PTPRS: variants seen among roughly 807,000 people sequenced by gnomAD.
The protein encoded by PTPRS is receptor-type tyrosine-protein phosphatase S.
Under a neutral mutation model 215.3 loss-of-function variants are expected in PTPRS, and 63 were observed. The observed-to-expected ratio is 0.29, with a 90% CI of 0.24 to 0.36. PTPRS has a LOEUF of 0.36. Ranked by LOEUF, PTPRS falls within the 10% of genes least tolerant of loss-of-function variation. PTPRS has a pLI of 1.00. For missense variants in PTPRS, 2,258 were observed against 2,825.8 expected (o/e 0.80, Z 4.56); for synonymous variants, 1,404 against 1,191.4 (o/e 1.18, Z -3.68).
rs192467098 is a variant in PTPRS, at chr19:5,257,546, G to T, written c.706+471C>A. The T allele has an allele frequency of 2.9e-5, 13 of 442,504 alleles. No individual in the cohort carries two copies. The highest frequency in any genetic ancestry group is 1.0e-3 in the Middle Eastern group (2 of 1,976). 27.4% of individuals were successfully genotyped at this position (442,504 alleles called of 1,614,324 possible). ...TTCTAGATTGAGGGCCCTGGATTAGGGGGGGCAGTGAAGCGGGGAGCTACG... is the reference window on the plus strand; with the variant it reads ...TTCTAGATTGAGGGCCCTGGATTAGTGGGGGCAGTGAAGCGGGGAGCTACG... On this transcript the variant is annotated intron_variant, in intron 8 of 37. Coordinates refer to ENST00000262963, the MANE Select transcript of PTPRS (RefSeq NM_002850.4). The surrounding 1 kb of genome is among the most constrained non-coding windows in gnomAD (Gnocchi z 4.4).
At chr19:5,326,913 G>A (rs1333120002) in intron 1 of PTPRS, among the ~76,000 whole-genome samples, 2 of 152,132 alleles carry the variant, frequency 1.3e-5, no homozygotes, top group Non-Finnish European at 1.5e-5. Flanking sequence ...CGATGGGGCA[G>A]CAAAACACCA....
chr19:5,271,601 T>C (rs1018329755), intron 4 of PTPRS, among the ~76,000 whole-genome samples: 2 of 152,076 alleles, frequency 1.3e-5, no homozygotes, highest in Non-Finnish European at 2.9e-5. Context: ...GGTTTCACCA[T>C]GTTGGCCAGG....
At position 5,239,601 on chromosome 19, in the gene PTPRS, CAG is replaced by C. The variant is rs1050216836; in HGVS notation, c.1705-540_1705-539del. Among the ~76,000 whole-genome samples the C allele has an allele frequency of 9.5e-4, 138 of 144,760 alleles. 1 individual carries two copies. Among genetic ancestry groups the C allele is most frequent in the Middle Eastern group, 4.1e-3 (1 of 242 alleles). 95.0% of individuals were successfully genotyped at this position (144,760 alleles called of 152,430 possible). ...AGAAATAGAGACAGAGACAGAAACA[CAG>C]AGAAACAGGGGAGAGAGACAGACAG... On this transcript the variant is annotated intron_variant, in intron 12 of 37. Coordinates refer to ENST00000262963, the MANE Select transcript of PTPRS (RefSeq NM_002850.4).
chr19:5,238,903 C>A lies in PTPRS; in HGVS notation c.1849+16G>T, dbSNP rs983286127. The A allele has an allele frequency of 6.4e-7, 1 of 1,573,496 alleles. No homozygotes were observed. Among genetic ancestry groups the A allele is most frequent in the Non-Finnish European group, 8.6e-7 (1 of 1,164,286 alleles). On this transcript the variant is annotated intron_variant, in intron 13 of 37. Transcript: ENST00000262963. ...GGTCCCTCCCGCAGAGAAGGGCGGC[C>A]CCGCGAGACACCTACTGGACTGCAG...
intron 14 of PTPRS, 21 bp from the exon 15 acceptor site, chr19:5,229,705 G>A (rs924189649): frequency 1.9e-5 from 23 of 1,232,480 alleles, no homozygotes; most frequent in Admixed American, 1.3e-4. Context: ...GGAGGGGAGG[G>A]GAGGGGCGGG....
At chr19:5,232,740 T>A (rs2043120958) in intron 13 of PTPRS, among the ~76,000 whole-genome samples, 1 of 133,392 alleles carries the variant, frequency 7.5e-6, no homozygotes, top group South Asian at 2.5e-4. Flanking sequence ...GAAGCTCCAA[T>A]TATTAGGCAC....
At chr19:5,250,442 T>A (rs1488743187) in intron 9 of PTPRS, among the ~76,000 whole-genome samples, 1 of 151,990 alleles carries the variant, frequency 6.6e-6, no homozygotes, top group East Asian at 1.9e-4. Context: ...GAAAGTAAGG[T>A]GGGCACGGTG....
intron 1 of PTPRS, among the ~76,000 whole-genome samples, chr19:5,289,587 T>A (rs2048643097): frequency 6.6e-6 from 1 of 151,732 alleles, no homozygotes; most frequent in Admixed American, 6.6e-5. Context: ...CCCTCCTCCC[T>A]TTCTCCCCCT....
rs745416509 is a variant in PTPRS, at chr19:5,219,292, G to A, written c.3923+18C>T. The stretch of plus-strand genomic sequence containing the variant: ...CCTCCCTGCTGTCAAGTCAAGTCGG[G>A]GAGGACATGGGGCTTACTTCTTGTA... On this transcript the variant is annotated intron_variant, in intron 23 of 37. Coordinates refer to ENST00000262963, the MANE Select transcript of PTPRS (RefSeq NM_002850.4). The A allele has an allele frequency of 1.9e-6, 3 of 1,613,838 alleles. No individual in the cohort carries two copies. The highest frequency in any genetic ancestry group is 2.2e-5 in the East Asian group (1 of 44,876).
chr19:5,279,059 G>T (rs1216731227), intron 2 of PTPRS, among the ~76,000 whole-genome samples: 1 of 151,648 alleles, frequency 6.6e-6, no homozygotes, highest in East Asian at 2.0e-4. Context: ...GGTGGTGCAT[G>T]CCTGTAATCC....
intron 9 of PTPRS, among the ~76,000 whole-genome samples, chr19:5,252,692 G>A (rs1447529375): frequency 6.6e-6 from 1 of 151,294 alleles, no homozygotes; most frequent in Non-Finnish European, 1.5e-5. Context: ...TGGCCAACAT[G>A]GCAAAACCCT....
At chr19:5,216,421 C>T (rs2041457651) in intron 26 of PTPRS, among the ~76,000 whole-genome samples, 1 of 152,154 alleles carries the variant, frequency 6.6e-6, no homozygotes, top group African/African-American at 2.4e-5. Context: ...CTGGGTGCCC[C>T]CCAAGAGCTC....
intron 1 of PTPRS, among the ~76,000 whole-genome samples, chr19:5,297,985 A>G (rs1199531436): frequency 6.6e-6 from 1 of 151,748 alleles, no homozygotes. Context: ...TAGTAGAGAC[A>G]GGGTTTCACT....
chr19:5,241,421 C>T (rs1378046953), intron 11 of PTPRS, among the ~76,000 whole-genome samples: 1 of 151,450 alleles, frequency 6.6e-6, no homozygotes, highest in African/African-American at 2.4e-5. Context: ...GTAGCTGGGA[C>T]CACAGGCACA....
At chr19:5,227,568 C>G (rs145527415) in intron 16 of PTPRS, among the ~76,000 whole-genome samples, 4 of 152,214 alleles carry the variant, frequency 2.6e-5, no homozygotes, top group Non-Finnish European at 5.9e-5. Flanking sequence ...GCATGCGCCA[C>G]CACGCCTGGT....
chr19:5,225,145 A>C (rs2042366872), intron 17 of PTPRS, among the ~76,000 whole-genome samples: 2 of 152,036 alleles, frequency 1.3e-5, no homozygotes, highest in African/African-American at 2.4e-5. Context: ...GGGACGATGG[A>C]AGGGACAATG....
In PTPRS at chr19:5,211,955, C is replaced by G. The variant is rs369487284; in HGVS notation, c.5055+10G>C. 5.1e-6 allele frequency: 8 copies of G among 1,583,560 alleles called. No homozygotes were observed. In the East Asian group the frequency reaches 1.6e-4, roughly 32 times the overall value. ...CACCCCGCCCACAGCAGCCTCCACC[C>G]CGCTGGCACCTTGAACTCGAGTTCC... On this transcript the variant is annotated intron_variant, in intron 32 of 37. Transcript: ENST00000262963.
At chr19:5,296,516 T>C (rs528907160) in intron 1 of PTPRS, among the ~76,000 whole-genome samples, 8 of 151,444 alleles carry the variant, frequency 5.3e-5, no homozygotes, top group Admixed American at 2.6e-4. Context: ...AAATGTAAAA[T>C]AAAATAAACA....
In PTPRS at chr19:5,210,315, A is replaced by G. The variant is rs1345632842; in HGVS notation, c.5487+154T>C. ...AGACCCTCTCTTCCACCTATGTGGC[A>G]GTAGAAGCAAGTGGCCAACTGGTCA... On this transcript the variant is annotated intron_variant, in intron 35 of 37. Coordinates refer to ENST00000262963, the MANE Select transcript of PTPRS (RefSeq NM_002850.4). This position sits in a 1 kb window ranked among gnomAD's most constrained non-coding sequence, Gnocchi z 4.5. 1.3e-5 allele frequency among the ~76,000 whole-genome samples: 2 copies of G among 152,238 alleles called. No individual in the cohort carries two copies. The highest frequency in any genetic ancestry group is 2.9e-5 in the Non-Finnish European group (2 of 68,046).
Sources: allele counts gnomAD v4.1 joint callset (sites outside exome capture counted in the v4.1 genomes callset), GRCh38; gene constraint gnomAD v4.1.1; non-coding constraint Gnocchi (gnomAD v3.1); transcripts MANE v1.5; gene names NCBI Gene and HGNC (gene_info 2026-07-23, HGNC 2026-07-21).